The following CLVS2 variants were observed in gnomAD, a reference collection of about 807,000 sequenced individuals.
CLVS2 encodes the protein clavesin-2.
In CLVS2, 19 loss-of-function variants were observed where a neutral mutation model predicts 29.0. The ratio of observed to expected loss-of-function variants is 0.66; its 90% CI spans 0.46 to 0.96. CLVS2 has a LOEUF of 0.96. Ranked by LOEUF, CLVS2 falls within the 40% of genes least tolerant of loss-of-function variation. CLVS2 has a pLI of 0.00. For missense variants in CLVS2, 294 were observed against 404.1 expected, an observed-to-expected ratio of 0.73 and a Z score of 2.34; for synonymous variants, 161 against 151.3, an observed-to-expected ratio of 1.06 and a Z score of -0.47.
In CLVS2 at chr6:123,049,808, G is replaced by GC. The variant is rs541963204; in HGVS notation, c.675+1076_675+1077insC. Among the ~76,000 whole-genome samples the GC allele has an allele frequency of 8.6e-5, 12 of 139,054 alleles. 2 individuals carry two copies. Among genetic ancestry groups the GC allele is most frequent in the African/African-American group, 1.5e-4 (5 of 33,198 alleles). The allele number at this position is 139,054 out of a possible 152,430, so 91.2% of individuals were successfully genotyped here. A position where few individuals can be genotyped will look rare whatever the true frequency, so the allele number is the denominator to read the frequency against. ...ACACCGGGGCCTGTTGTGGGATGGG[G>GC]GGCGGGGAGGAATAGCATTAGGAGA... On this transcript the variant is annotated intron_variant, in intron 4 of 5. Transcript: ENST00000275162.
intron 4 of CLVS2, among the ~76,000 whole-genome samples, chr6:123,052,195 A>G (rs1582663321): frequency 2.6e-5 from 4 of 152,184 alleles, no homozygotes; most frequent in Admixed American, 2.6e-4. Flanking sequence ...TAGGCTTCCC[A>G]GGTTGGGCAG....
intron 3 of CLVS2, among the ~76,000 whole-genome samples, chr6:123,023,630 A>T (rs1774955659): frequency 6.6e-6 from 1 of 152,158 alleles, no homozygotes; most frequent in Non-Finnish European, 1.5e-5. Flanking sequence ...CATCCAAGAA[A>T]GCATCTAGGA....
At chr6:123,030,835 A>ATG (rs1022965677) in intron 3 of CLVS2, among the ~76,000 whole-genome samples, 6 of 127,612 alleles carry the variant, frequency 4.7e-5, no homozygotes, top group Admixed American at 3.0e-4. Flanking sequence ...ATATATATAT[A>ATG]AAATATATAT....
Position 123,064,529 on chromosome 6 carries a change from T to A in CLVS2, c.*768T>A, listed in dbSNP as rs1772825283. On this transcript the variant is annotated 3_prime_UTR_variant, in exon 6 of 6. Coordinates refer to ENST00000275162, the MANE Select transcript of CLVS2 (RefSeq NM_001010852.4). ...TATTATATTTCTTCCTAATGTACTC[T>A]AAGTACATTTCCCCTCCAAAACTCT... 6.6e-6 allele frequency: 1 copy of A among 151,946 alleles called. No individual in the cohort carries two copies. The allele number at this position is 151,946 out of a possible 1,614,324, so 9.4% of individuals were successfully genotyped here.
At chr6:123,061,503 G>T (rs1335775785) in intron 5 of CLVS2, among the ~76,000 whole-genome samples, 1 of 151,976 alleles carries the variant, frequency 6.6e-6, no homozygotes, top group Non-Finnish European at 1.5e-5. Flanking sequence ...AAAAGAAAAA[G>T]AATTAATCAC....
At chr6:123,057,435 C>T (rs1043776182) in intron 5 of CLVS2, among the ~76,000 whole-genome samples, 2 of 145,850 alleles carry the variant, frequency 1.4e-5, no homozygotes, top group African/African-American at 5.1e-5. Context: ...CAACCTCCAC[C>T]TCCCTAGTTC....
chr6:123,061,931 T>C (rs956592148), intron 5 of CLVS2, among the ~76,000 whole-genome samples: 2 of 152,160 alleles, frequency 1.3e-5, no homozygotes, highest in African/African-American at 4.8e-5. Flanking sequence ...AATTGCTTTC[T>C]TTATTATCCT....
Position 123,071,593 on chromosome 6 carries a change from AG to A in CLVS2, c.*7833del, listed in dbSNP as rs1772950462. On this transcript the variant is annotated 3_prime_UTR_variant, in exon 6 of 6. Coordinates refer to ENST00000275162, the MANE Select transcript of CLVS2 (RefSeq NM_001010852.4). ...TTTTAAAAATATGCAGGAAGTTAAA[AG>A]ACTATAATTCCAGTATTGGAAGCCA... 1 of 152,046 alleles carries A rather than the reference AG, an allele frequency of 6.6e-6. No homozygotes were observed. The highest frequency in any genetic ancestry group is 1.5e-5 in the Non-Finnish European group (1 of 67,942). The allele number at this position is 152,046 out of a possible 1,614,324, so 9.4% of individuals were successfully genotyped here.
chr6:123,025,255 C>T (rs1490225768), intron 3 of CLVS2, among the ~76,000 whole-genome samples: 1 of 152,106 alleles, frequency 6.6e-6, no homozygotes, highest in African/African-American at 2.4e-5. Flanking sequence ...TTACCCCCCA[C>T]ATTAGAGTGG....
chr6:123,004,674 A>T (rs1774637731), intron 2 of CLVS2, among the ~76,000 whole-genome samples: 1 of 152,206 alleles, frequency 6.6e-6, no homozygotes, highest in Admixed American at 6.5e-5. Flanking sequence ...GCACTTTGGG[A>T]GGCCAAGGCG....
At chr6:123,006,816 A>G (rs954352137) in intron 2 of CLVS2, among the ~76,000 whole-genome samples, 2 of 152,166 alleles carry the variant, frequency 1.3e-5, no homozygotes, top group African/African-American at 2.4e-5. Context: ...GCCGTCACCA[A>G]TGTATTGGCC....
rs1772905770 is a variant in CLVS2, at chr6:123,069,289, T to G, written c.*5528T>G. 6.6e-6 allele frequency: 1 copy of G among 151,724 alleles called. No homozygotes were observed. The highest frequency in any genetic ancestry group is 1.5e-5 in the Non-Finnish European group (1 of 67,782). 9.4% of individuals were successfully genotyped at this position (151,724 alleles called of 1,614,324 possible). ...AGAGATTAAATTTAGAAATTTGAATTACAGAAAAGCATTGGTTTAAATAAA... is the reference window on the plus strand; with the variant it reads ...AGAGATTAAATTTAGAAATTTGAATGACAGAAAAGCATTGGTTTAAATAAA... On this transcript the variant is annotated 3_prime_UTR_variant, in exon 6 of 6. Coordinates refer to ENST00000275162, the MANE Select transcript of CLVS2 (RefSeq NM_001010852.4).
chr6:123,063,625 G>A (rs1444276370), intron 5 of CLVS2, 49 bp from the exon 6 acceptor site: 1 of 1,064,000 alleles, frequency 9.4e-7, no homozygotes, highest in Non-Finnish European at 1.4e-6. Flanking sequence ...AATGTCATCT[G>A]CACAATTACC....
intron 4 of CLVS2, among the ~76,000 whole-genome samples, chr6:123,053,315 G>T (rs1772642871): frequency 6.6e-6 from 1 of 152,200 alleles, no homozygotes; most frequent in African/African-American, 2.4e-5. Flanking sequence ...CTACACTCCA[G>T]CCTGGGTGAC....
At chr6:123,051,554 G>A (rs1772611425) in intron 4 of CLVS2, among the ~76,000 whole-genome samples, 1 of 152,148 alleles carries the variant, frequency 6.6e-6, no homozygotes, top group Non-Finnish European at 1.5e-5. Flanking sequence ...GTCAATAGTT[G>A]TGCTCCTGCT....
rs1772941480 is a variant in CLVS2, at chr6:123,071,131, T to G, written c.*7370T>G. 1 of 152,034 alleles carries G rather than the reference T, an allele frequency of 6.6e-6. No individual in the cohort carries two copies. The highest frequency in any genetic ancestry group is 1.5e-5 in the Non-Finnish European group (1 of 67,970). 9.4% of individuals were successfully genotyped at this position (152,034 alleles called of 1,614,324 possible). ...AACTCCACAAGGGCAGGAATTTTTG[T>G]CTGTTTACTACTGCATTACTGGTGC... On this transcript the variant is annotated 3_prime_UTR_variant, in exon 6 of 6. Transcript: ENST00000275162.
At chr6:123,001,220 C>T (rs867935957) in intron 2 of CLVS2, among the ~76,000 whole-genome samples, 7 of 152,076 alleles carry the variant, frequency 4.6e-5, no homozygotes, top group African/African-American at 9.7e-5. Context: ...ACAGTAAAAC[C>T]GTGTGAGACA....
chr6:123,013,767 G>A (rs146779328), intron 3 of CLVS2, among the ~76,000 whole-genome samples: 240 of 151,666 alleles, frequency 1.6e-3, no homozygotes, highest in Admixed American at 2.6e-3. Flanking sequence ...CCATTAACTC[G>A]TCATTTAGCA....
At chr6:123,060,137 A>G (rs1582666732) in intron 5 of CLVS2, among the ~76,000 whole-genome samples, 2 of 152,210 alleles carry the variant, frequency 1.3e-5, no homozygotes, top group African/African-American at 2.4e-5. Flanking sequence ...TAGTTTTATG[A>G]TATCTTTAGA....
Sources: gnomAD v4.1 joint callset for allele counts (sites outside exome capture counted in the v4.1 genomes callset) on GRCh38, gnomAD v4.1.1 for gene constraint, MANE v1.5 for transcripts, NCBI Gene and HGNC (gene_info 2026-07-23, HGNC 2026-07-21) for gene names.